The following CCDC38 variants were observed in gnomAD, a reference collection of about 807,000 sequenced individuals.
CCDC38 encodes the protein coiled-coil domain-containing protein 38.
CCDC38 carries 69 observed loss-of-function variants against 72.8 expected under a neutral mutation model. The observed-to-expected ratio is 0.95, with a 90% CI of 0.78 to 1.16. The LOEUF is 1.16. Among genes scored for constraint, CCDC38 ranks in the 50% most tolerant of loss-of-function variants. The pLI, the probability that CCDC38 is intolerant of heterozygous loss-of-function variation, is 0.00. For synonymous variants in CCDC38, 201 were observed against 213.2 expected (o/e 0.94, Z 0.50); for missense variants, 626 against 638.9 (o/e 0.98, Z 0.22).
intron 9 of CCDC38, among the ~76,000 whole-genome samples, 178 bp from the exon 10 acceptor site, chr12:95,888,684 T>C (rs2079787565): frequency 6.6e-6 from 1 of 152,148 alleles, no homozygotes; most frequent in Admixed American, 6.5e-5. Context: ...GATAATTGCA[T>C]AGAAAATGGA....
intron 11 of CCDC38, 40 bp downstream of exon 11, chr12:95,881,445 C>T (rs2121431531): frequency 6.8e-7 from 1 of 1,462,894 alleles, no homozygotes; most frequent in Non-Finnish European, 9.5e-7. Context: ...GTATTTTTCA[C>T]CAAACCCAAT....
intron 4 of CCDC38, 51 bp downstream of exon 4, chr12:95,917,078 A>T (rs772589606): frequency 3.4e-6 from 5 of 1,470,222 alleles, no homozygotes; most frequent in Non-Finnish European, 4.6e-6. Context: ...CAAACCTGAC[A>T]TTAATAGTAA....
Position 95,906,403 on chromosome 12 carries a change from T to A in CCDC38, c.353A>T (p.Asp118Val). The change falls in exon 5 of 16, where the codon GAC (aspartate) becomes GTC (valine). Residue 118 changes from aspartate (D) to valine (V), a missense_variant. Coordinates refer to ENST00000344280, the MANE Select transcript of CCDC38 (RefSeq NM_182496.3). The stretch of plus-strand genomic sequence containing the variant: ...TTTTACTACCTCGAGCAGAAACCTG[T>A]CTCTCTGGTCATTAATAAATTCATG... ...TVHEFINDQRDRFLLEYALST... is the reference protein window; with the variant it reads ...TVHEFINDQRVRFLLEYALST... 6.2e-7 allele frequency: 1 copy of A among 1,612,748 alleles called. No homozygotes were observed. The highest frequency in any genetic ancestry group is 8.5e-7 in the Non-Finnish European group (1 of 1,179,060).
chr12:95,936,086 G>T (rs1176350405), intron 2 of CCDC38, among the ~76,000 whole-genome samples: 2 of 151,494 alleles, frequency 1.3e-5, no homozygotes, highest in Non-Finnish European at 2.9e-5. Context: ...CTCAAAAAAA[G>T]TAATTAATTA....
chr12:95,894,600 C>A (rs2079865655), intron 8 of CCDC38, among the ~76,000 whole-genome samples: 2 of 152,130 alleles, frequency 1.3e-5, no homozygotes, highest in African/African-American at 4.8e-5. Context: ...CACCTGCTTC[C>A]CCTCCCCGTT....
At chr12:95,909,562 A>G (rs1385669234) in intron 4 of CCDC38, among the ~76,000 whole-genome samples, 1 of 152,216 alleles carries the variant, frequency 6.6e-6, no homozygotes, top group Non-Finnish European at 1.5e-5. Context: ...TGAATTTGGT[A>G]TCATCCTGAT....
At chr12:95,918,015 C>A (rs540486024) in intron 3 of CCDC38, among the ~76,000 whole-genome samples, 9 of 152,226 alleles carry the variant, frequency 5.9e-5, no homozygotes, top group Middle Eastern at 3.4e-3. Flanking sequence ...TTCCACAAAA[C>A]CATACAACAC....
intron 2 of CCDC38, among the ~76,000 whole-genome samples, chr12:95,927,202 C>T (rs1202665001): frequency 1.3e-5 from 2 of 151,918 alleles, no homozygotes; most frequent in Non-Finnish European, 2.9e-5. Context: ...TCGCTCAGGA[C>T]TTGCTTTATG....
intron 13 of CCDC38, among the ~76,000 whole-genome samples, chr12:95,877,266 C>A (rs927207799): frequency 6.6e-6 from 1 of 151,404 alleles, no homozygotes; most frequent in Non-Finnish European, 1.5e-5. Flanking sequence ...AGAAGTTAAT[C>A]ACTCATGTCT....
intron 15 of CCDC38, among the ~76,000 whole-genome samples, chr12:95,868,657 C>G (rs1367343582): frequency 6.6e-6 from 1 of 152,174 alleles, no homozygotes; most frequent in African/African-American, 2.4e-5. Flanking sequence ...TCCGCAATAG[C>G]TTTGCAGATA....
chr12:95,898,507 AAAC>A (rs746118355), intron 6 of CCDC38, 42 bp from the exon 7 acceptor site: 1 of 1,613,428 alleles, frequency 6.2e-7, no homozygotes, highest in East Asian at 2.2e-5. Flanking sequence ...TCTTAGAAAC[AAAC>A]AAACAAACAA....
At chr12:95,928,033 C>T (rs1323343398) in intron 2 of CCDC38, among the ~76,000 whole-genome samples, 6 of 146,106 alleles carry the variant, frequency 4.1e-5, no homozygotes, top group Admixed American at 1.4e-4. Flanking sequence ...TTGCTCTTCT[C>T]GAGGAGTATC....
intron 8 of CCDC38, among the ~76,000 whole-genome samples, chr12:95,892,864 C>T (rs539449105): frequency 1.2e-4 from 18 of 152,220 alleles, no homozygotes; most frequent in Non-Finnish European, 1.9e-4. Flanking sequence ...CCACCACACC[C>T]GGACTTAAAT....
intron 5 of CCDC38, among the ~76,000 whole-genome samples, chr12:95,902,247 A>G (rs1349908068): frequency 6.6e-6 from 1 of 152,206 alleles, no homozygotes; most frequent in Admixed American, 6.5e-5. Flanking sequence ...CCACATTTTT[A>G]AAGTATACAA....
chr12:95,901,546 C>T (rs2079950223), intron 5 of CCDC38, among the ~76,000 whole-genome samples: 1 of 151,960 alleles, frequency 6.6e-6, no homozygotes, highest in South Asian at 2.1e-4. Context: ...AAGGAATGGG[C>T]CCTGGACATT....
chr12:95,942,685 T>G (rs1158480690), upstream of CCDC38: 3 of 152,184 alleles, frequency 2.0e-5, no homozygotes, highest in Non-Finnish European at 2.9e-5. Flanking sequence ...CACCCCCAGG[T>G]TCCCTCGGCT....
At chr12:95,902,274 A>G (rs1015059168) in intron 5 of CCDC38, among the ~76,000 whole-genome samples, 3 of 152,184 alleles carry the variant, frequency 2.0e-5, no homozygotes, top group Admixed American at 6.5e-5. Flanking sequence ...AAGTTTTGAC[A>G]TATGTATATA....
At chr12:95,871,434 G>T (rs971877513) in intron 14 of CCDC38, among the ~76,000 whole-genome samples, 1 of 152,102 alleles carries the variant, frequency 6.6e-6, no homozygotes, top group Non-Finnish European at 1.5e-5. Flanking sequence ...TGCAGATTTT[G>T]GTATCCTTGG....
At chr12:95,941,324 T>C (rs1178369343) in intron 1 of CCDC38, among the ~76,000 whole-genome samples, 4 of 152,214 alleles carry the variant, frequency 2.6e-5, no homozygotes, top group African/African-American at 9.6e-5. Flanking sequence ...AATAGCAGGA[T>C]TAAAACACAC....
Sources: allele counts gnomAD v4.1 joint callset (sites outside exome capture counted in the v4.1 genomes callset), GRCh38; gene constraint gnomAD v4.1.1; transcripts MANE v1.5; gene names NCBI Gene and HGNC (gene_info 2026-07-23, HGNC 2026-07-21).